The following B3GAT1 variants were observed in gnomAD, a reference collection of about 807,000 sequenced individuals.
B3GAT1 encodes the protein galactosylgalactosylxylosylprotein 3-beta-glucuronosyltransferase 1.
B3GAT1 carries 11 observed loss-of-function variants against 28.4 expected under a neutral mutation model. That is an observed-to-expected ratio of 0.39 (90% CI 0.24 to 0.64). The LOEUF is 0.64. Ranked by LOEUF, B3GAT1 falls within the 30% of genes least tolerant of loss-of-function variation. The probability of loss-of-function intolerance (pLI) is 0.50; values close to 1 mark genes in which losing one functional copy is unlikely to be tolerated. For synonymous variants in B3GAT1, 255 were observed against 223.1 expected (o/e 1.14, Z -1.27); for missense variants, 375 against 491.0 (o/e 0.76, Z 2.23).
At chr11:134,409,643 G>A (rs779266223) in intron 1 of B3GAT1, 2 of 152,322 alleles carry the variant, frequency 1.3e-5, no homozygotes, top group Non-Finnish European at 2.9e-5. Context: ...CCTCCTGCAG[G>A]GGTGGACAAT....
rs187515916 is a variant in B3GAT1, at chr11:134,410,873, T to C, written c.-282+934A>G. ...TACACAGCCCAAGCTCTAGGCCCCA[T>C]TGGGCACCCCACCTATGCAGGTGCC... On this transcript the variant is annotated intron_variant, in intron 1 of 5. Transcript: ENST00000312527. Among the ~76,000 whole-genome samples, 28 of 152,344 alleles carry C rather than the reference T, an allele frequency of 1.8e-4. No individual in the cohort carries two copies. In the East Asian group the frequency reaches 4.8e-3, roughly 26 times the overall value.
At chr11:134,390,966 T>G (rs1195235096) in intron 1 of B3GAT1, 1 of 152,116 alleles carries the variant, frequency 6.6e-6, no homozygotes, top group East Asian at 1.9e-4. Flanking sequence ...CCCTAGCACC[T>G]GCTTGGAGGC....
At chr11:134,383,208 G>A (rs952569918) in intron 3 of B3GAT1, among the ~76,000 whole-genome samples, 6 of 152,086 alleles carry the variant, frequency 3.9e-5, no homozygotes, top group African/African-American at 1.2e-4. Flanking sequence ...CTGGGCTGCC[G>A]GGGACACCTG....
At chr11:134,404,717 G>A (rs1354087738) in intron 1 of B3GAT1, among the ~76,000 whole-genome samples, 1 of 152,218 alleles carries the variant, frequency 6.6e-6, no homozygotes, top group African/African-American at 2.4e-5. Flanking sequence ...GCCTGCAACC[G>A]CCTCGCTGTC....
chr11:134,388,094 G>T, intron 1 of B3GAT1, 154 bp from the exon 2 acceptor site: 1 of 372,274 alleles, frequency 2.7e-6, no homozygotes. Flanking sequence ...CTGCCTGTTA[G>T]AGTGGAATGG....
intron 1 of B3GAT1, among the ~76,000 whole-genome samples, chr11:134,405,819 A>T (rs551619437): frequency 1.1e-4 from 17 of 152,354 alleles, no homozygotes; most frequent in African/African-American, 4.1e-4. Flanking sequence ...AACTTCTGGG[A>T]GAAGGCTGGC....
Position 134,383,989 on chromosome 11 carries a change from G to T in B3GAT1, c.312C>A (p.Arg104=). The T allele has an allele frequency of 6.2e-7, 1 of 1,603,706 alleles. No homozygotes were observed. Among genetic ancestry groups the T allele is most frequent in the Non-Finnish European group, 8.5e-7 (1 of 1,178,712 alleles). Reference sequence around the variant, plus strand: ...GCACGTGCAGCAGCGTGTTGGCCATGCGCGTCAGCTCGGCCTTCTGCACCG... The same window carrying T: ...GCACGTGCAGCAGCGTGTTGGCCATTCGCGTCAGCTCGGCCTTCTGCACCG... The part of the protein sequence containing the change: ...SRPVQKAELT[R]MANTLLHVPN... The change falls in exon 3 of 6, where the codon CGC becomes CGA. Residue 104 remains arginine (R), a synonymous_variant. Coordinates refer to ENST00000312527, the MANE Select transcript of B3GAT1 (RefSeq NM_054025.3).
At chr11:134,385,390 G>A (rs1002196920) in intron 2 of B3GAT1, 10 of 152,336 alleles carry the variant, frequency 6.6e-5, no homozygotes, top group African/African-American at 2.4e-4. Context: ...AACGGACCCA[G>A]GAGGCCTGCT....
rs117518588 is a variant in B3GAT1 at position 134,384,901 on chromosome 11, G to A, written c.113-713C>T. ...GGCCATTGGGATTCTTGTTTTCCAT[G>A]CGTCCCTTCTCTCCAAATTCTGTCC... On this transcript the variant is annotated intron_variant, in intron 2 of 5. Transcript: ENST00000312527. The A allele has an allele frequency of 2.0e-5, 3 of 152,304 alleles. No individual in the cohort carries two copies. The East Asian group carries it at 5.8e-4, about 29-fold the overall frequency. The allele number at this position is 152,304 out of a possible 1,614,324, so 9.4% of individuals were successfully genotyped here. A position where few individuals can be genotyped will look rare whatever the true frequency, so the allele number is the denominator to read the frequency against.
chr11:134,383,641 G>A (rs1361277873), intron 3 of B3GAT1, 39 bp downstream of exon 3: 2 of 1,493,946 alleles, frequency 1.3e-6, no homozygotes, highest in East Asian at 2.4e-5. Context: ...ACTCCCCGCA[G>A]CCGGAGGTCC....
intron 1 of B3GAT1, chr11:134,389,634 C>A (rs1267752931): frequency 2.0e-5 from 3 of 152,642 alleles, no homozygotes; most frequent in African/African-American, 7.2e-5. Context: ...GTGGGGAGGG[C>A]AGGCAGCCTC....
chr11:134,397,311 C>T (rs1224044147), intron 1 of B3GAT1, among the ~76,000 whole-genome samples: 5 of 152,206 alleles, frequency 3.3e-5, no homozygotes, highest in Non-Finnish European at 7.3e-5. Context: ...TCCTCCTGTG[C>T]ACTCCTGACT....
intron 1 of B3GAT1, among the ~76,000 whole-genome samples, chr11:134,410,241 C>A (rs921206518): frequency 6.6e-6 from 1 of 152,180 alleles, no homozygotes; most frequent in Non-Finnish European, 1.5e-5. Flanking sequence ...AACTGCCCAA[C>A]CAGAAACCTA....
chr11:134,407,211 C>T lies in B3GAT1; in HGVS notation c.-282+4596G>A, dbSNP rs189860259. On this transcript the variant is annotated intron_variant, in intron 1 of 5. Coordinates refer to ENST00000312527, the MANE Select transcript of B3GAT1 (RefSeq NM_054025.3). ...TCTGAACAATGGACAAATGAGTAGC[C>T]CAGGGTTCAAAGAGAGACTCATGGC... is the stretch of plus-strand genomic sequence containing the variant. Among the ~76,000 whole-genome samples, 1,338 of 152,272 alleles carry T rather than the reference C, an allele frequency of 8.8e-3. 13 individuals carry two copies. The highest frequency in any genetic ancestry group is 0.012 in the Non-Finnish European group (808 of 68,022).
chr11:134,403,981 C>CTT lies in B3GAT1; in HGVS notation c.-282+7824_-282+7825dup, dbSNP rs1565459195. Among the ~76,000 whole-genome samples, 3 of 31,198 alleles carry CTT rather than the reference C, an allele frequency of 9.6e-5. 1 individual carries two copies. Among genetic ancestry groups the CTT allele is most frequent in the African/African-American group, 4.6e-4 (3 of 6,492 alleles). The allele number at this position is 31,198 out of a possible 152,430, so 20.5% of individuals were successfully genotyped here. ...CATTTAACGGGTACAGAGTTTCTTT[C>CTT]TTTATATATATATATATATATATAT... is the stretch of plus-strand genomic sequence containing the variant. On this transcript the variant is annotated intron_variant, in intron 1 of 5. Transcript: ENST00000312527.
Position 134,383,705 on chromosome 11 carries a change from G to T in B3GAT1, c.596C>A (p.Thr199Asn). The T allele has an allele frequency of 6.3e-7, 1 of 1,588,698 alleles. No homozygotes were observed. Among genetic ancestry groups the T allele is most frequent in the Non-Finnish European group, 8.6e-7 (1 of 1,163,422 alleles). ...GVVYFADDDN[T>N]YSLELFEEMR... ...CTCTTCGAAGAGCTCCAGGCTGTAG[G>T]TGTTGTCGTCGTCGGCGAAGTAGAC... is the stretch of plus-strand genomic sequence containing the variant. The change falls in exon 3 of 6, where the codon ACC (threonine) becomes AAC (asparagine). Residue 199 changes from threonine (T) to asparagine (N), a missense_variant. By Grantham distance (65) the Thr-to-Asn change is moderately conservative. Transcript: ENST00000312527.
At chr11:134,381,737 G>A in intron 5 of B3GAT1, 187 bp downstream of exon 5, 1 of 584,430 alleles carries the variant, frequency 1.7e-6, no homozygotes, top group South Asian at 2.1e-5. Context: ...GTGGGTGAAA[G>A]TTAATGCCTG....
chr11:134,395,450 G>A (rs1030537811), intron 1 of B3GAT1, among the ~76,000 whole-genome samples: 15 of 152,048 alleles, frequency 9.9e-5, no homozygotes, highest in Admixed American at 7.2e-4. Flanking sequence ...GGAGGAAGGC[G>A]TTCGGCAGGA....
At chr11:134,410,616 C>T (rs1944834338) in intron 1 of B3GAT1, among the ~76,000 whole-genome samples, 1 of 152,192 alleles carries the variant, frequency 6.6e-6, no homozygotes, top group Non-Finnish European at 1.5e-5. Flanking sequence ...TGAGCAGACT[C>T]TGGGAGGAAA....
Sources: allele counts gnomAD v4.1 joint callset (sites outside exome capture counted in the v4.1 genomes callset), GRCh38; gene constraint gnomAD v4.1.1; transcripts MANE v1.5; gene names NCBI Gene and HGNC (gene_info 2026-07-23, HGNC 2026-07-21).